The following GPR176 variants were observed in gnomAD, a reference collection of about 807,000 sequenced individuals.
The protein encoded by GPR176 is G-protein coupled receptor 176.
GPR176 carries 26 observed loss-of-function variants against 35.4 expected under a neutral mutation model. The observed-to-expected ratio is 0.74, with a 90% confidence interval of 0.54 to 1.02. The LOEUF (loss-of-function observed/expected upper bound fraction) is 1.02. GPR176 is among the 50% of genes least tolerant of loss of function. GPR176 has a pLI of 0.00. For synonymous variants in GPR176, 278 were observed against 271.3 expected (o/e 1.02, Z -0.24); for missense variants, 597 against 665.3 (o/e 0.90, Z 1.13).
At chr15:39,812,755 T>C (rs1899656764) in intron 1 of GPR176, among the ~76,000 whole-genome samples, 1 of 151,892 alleles carries the variant, frequency 6.6e-6, no homozygotes, top group African/African-American at 2.4e-5. Flanking sequence ...ATTTTTTTTT[T>C]TTTTGAGACA....
At chr15:39,832,689 A>ACACACACACACACAC (rs3065169) in intron 1 of GPR176, among the ~76,000 whole-genome samples, 4 of 151,422 alleles carry the variant, frequency 2.6e-5, no homozygotes, top group Admixed American at 6.6e-5. Context: ...ACACACACAC[A>ACACACACACACACAC]AATCTTATAA....
intron 2 of GPR176, among the ~76,000 whole-genome samples, chr15:39,803,271 C>CTTTTTTTT (rs769645892): frequency 5.8e-5 from 5 of 85,540 alleles, no homozygotes; most frequent in Admixed American, 1.5e-4. Flanking sequence ...ACAAGTACTT[C>CTTTTTTTT]TTTTTTTTTT....
At chr15:39,841,636 C>G (rs748600167) in intron 1 of GPR176, among the ~76,000 whole-genome samples, 2 of 152,076 alleles carry the variant, frequency 1.3e-5, no homozygotes, top group Non-Finnish European at 2.9e-5. Flanking sequence ...AAGGGTTCCC[C>G]CACAGGTTTC....
At chr15:39,841,928 CTTAATACATTAAGA>C (rs1208521718) in intron 1 of GPR176, among the ~76,000 whole-genome samples, 1 of 152,102 alleles carries the variant, frequency 6.6e-6, no homozygotes, top group Non-Finnish European at 1.5e-5. Context: ...AGCTTTGCAA[CTTAATACATTAAGA>C]TTAAAGCTCT....
chr15:39,851,708 C>A (rs1377483972), intron 1 of GPR176, among the ~76,000 whole-genome samples: 1 of 152,208 alleles, frequency 6.6e-6, no homozygotes, highest in Non-Finnish European at 1.5e-5. Context: ...GTTGTCATAG[C>A]GACTGCAATT....
At chr15:39,875,482 G>A (rs2032207533) in intron 1 of GPR176, among the ~76,000 whole-genome samples, 1 of 152,124 alleles carries the variant, frequency 6.6e-6, no homozygotes, top group African/African-American at 2.4e-5. Flanking sequence ...CTGGAGAACT[G>A]CATATGTTCT....
intron 1 of GPR176, among the ~76,000 whole-genome samples, chr15:39,861,094 C>G (rs752570673): frequency 6.6e-6 from 1 of 152,118 alleles, no homozygotes; most frequent in Non-Finnish European, 1.5e-5. Context: ...TTAACAAACT[C>G]TAGATGGAAA....
intron 1 of GPR176, chr15:39,860,951 A>G (rs1215020683): frequency 6.6e-6 from 1 of 152,186 alleles, no homozygotes; most frequent in Admixed American, 6.5e-5. Context: ...ATTACTCTGA[A>G]GAAGAGAAAC....
chr15:39,914,960 A>T (rs2033686732), intron 1 of GPR176, among the ~76,000 whole-genome samples: 1 of 152,240 alleles, frequency 6.6e-6, no homozygotes. Context: ...GAGCAAAACT[A>T]GTGTCTATCC....
intron 1 of GPR176, among the ~76,000 whole-genome samples, chr15:39,874,409 G>A (rs906818879): frequency 6.6e-6 from 1 of 152,114 alleles, no homozygotes. Context: ...TAGCCTAATT[G>A]GCATCTTTTT....
intron 1 of GPR176, among the ~76,000 whole-genome samples, chr15:39,877,548 TTC>T (rs1329833153): frequency 5.7e-5 from 1 of 17,530 alleles, no homozygotes; most frequent in Non-Finnish European, 1.0e-4. Flanking sequence ...CTTCTTCTTC[TTC>T]TTTTTTTTTT....
At chr15:39,916,884 G>A (rs997648007) in intron 1 of GPR176, among the ~76,000 whole-genome samples, 1 of 152,120 alleles carries the variant, frequency 6.6e-6, no homozygotes, top group Non-Finnish European at 1.5e-5. Context: ...GACTGCACAT[G>A]GCTTTGAAAC....
At position 39,800,244 on chromosome 15, in the gene GPR176, T is replaced by A. The variant is rs757007703; in HGVS notation, c.*888A>T. The A allele has an allele frequency of 6.6e-6, 1 of 152,198 alleles. No homozygotes were observed. The highest frequency in any genetic ancestry group is 1.5e-5 in the Non-Finnish European group (1 of 68,038). 9.4% of individuals were successfully genotyped at this position (152,198 alleles called of 1,614,324 possible). A position where few individuals can be genotyped will look rare whatever the true frequency, so the allele number is the denominator to read the frequency against. Reference sequence around the variant, plus strand: ...TATTTGACTCATACTGGTTGTTACATAGCACCTTTCATGTGAGATCATAGG... The same window carrying A: ...TATTTGACTCATACTGGTTGTTACAAAGCACCTTTCATGTGAGATCATAGG... On this transcript the variant is annotated 3_prime_UTR_variant, in exon 3 of 3. Coordinates refer to ENST00000561100, the MANE Select transcript of GPR176 (RefSeq NM_007223.3).
chr15:39,907,473 C>G (rs963050721), intron 1 of GPR176, among the ~76,000 whole-genome samples: 5 of 152,224 alleles, frequency 3.3e-5, no homozygotes, highest in African/African-American at 1.2e-4. Context: ...GAGCTGGCCA[C>G]TAGCCATCTA....
At chr15:39,893,421 T>C (rs2032949670) in intron 1 of GPR176, among the ~76,000 whole-genome samples, 1 of 151,862 alleles carries the variant, frequency 6.6e-6, no homozygotes, top group South Asian at 2.1e-4. Flanking sequence ...GGGTTGGGGG[T>C]AAGGTCACAG....
chr15:39,905,310 C>T (rs933103337), intron 1 of GPR176, among the ~76,000 whole-genome samples: 5 of 152,072 alleles, frequency 3.3e-5, no homozygotes, highest in African/African-American at 1.2e-4. Context: ...GTCATGCTTT[C>T]ATTCAAAAAG....
chr15:39,901,872 G>A (rs1302365255), intron 1 of GPR176, among the ~76,000 whole-genome samples: 6 of 151,328 alleles, frequency 4.0e-5, no homozygotes, highest in Admixed American at 1.3e-4. Flanking sequence ...TCAGGAGTTC[G>A]AGACCAGCCT....
intron 1 of GPR176, among the ~76,000 whole-genome samples, chr15:39,898,662 G>A (rs977273010): frequency 6.6e-6 from 1 of 152,172 alleles, no homozygotes; most frequent in Non-Finnish European, 1.5e-5. Flanking sequence ...AGGGAAACAG[G>A]AGCCATGTAG....
rs551340199 is a variant in GPR176, at chr15:39,800,954, A to G, written c.*178T>C. The G allele has an allele frequency of 6.6e-6, 4 of 603,420 alleles. No homozygotes were observed. The highest frequency in any genetic ancestry group is 1.8e-5 in the African/African-American group (1 of 54,102). 37.4% of individuals were successfully genotyped at this position (603,420 alleles called of 1,614,324 possible). A position where few individuals can be genotyped will look rare whatever the true frequency, so the allele number is the denominator to read the frequency against. ...AGATGGATACATATACTCCCTCAAT[A>G]AAGAGGACACTGGATTTTATGTAGA... On this transcript the variant is annotated 3_prime_UTR_variant, in exon 3 of 3. Transcript: ENST00000561100.
Sources: gnomAD v4.1 joint callset for allele counts (sites outside exome capture counted in the v4.1 genomes callset) on GRCh38, gnomAD v4.1.1 for gene constraint, MANE v1.5 for transcripts, NCBI Gene and HGNC (gene_info 2026-07-23, HGNC 2026-07-21) for gene names.